The following LRTM3 variants were observed in gnomAD, a reference collection of about 807,000 sequenced individuals.
LRTM3 encodes leucine rich repeat transmembrane protein 3, also known as leucine-rich repeat transmembrane protein 3.
the LRTM3 span, chr13:102,739,531 T>C: frequency 1.9e-6 from 3 of 1,550,416 alleles, no homozygotes; most frequent in African/African-American, 1.4e-5. Context: ...TACACAAGTT[T>C]GTCAGTTTCA....
chr13:102,741,456 C>A, the LRTM3 span: 4 of 1,550,006 alleles, frequency 2.6e-6, no homozygotes, highest in Admixed American at 2.0e-5. Context: ...CCTTTAGAAC[C>A]TACAAATATA....
chr13:102,744,659 T>C, the LRTM3 span: 4 of 1,550,870 alleles, frequency 2.6e-6, no homozygotes, highest in Non-Finnish European at 3.5e-6. Context: ...GTCAGGATCT[T>C]TCATTTGATG....
the LRTM3 span, chr13:102,738,702 A>C: frequency 6.4e-7 from 1 of 1,550,400 alleles, no homozygotes; most frequent in East Asian, 2.4e-5. Context: ...GAAAAAGAGG[A>C]TCTCATTTTT....
the LRTM3 span, chr13:102,732,436 C>T: frequency 6.4e-7 from 1 of 1,551,186 alleles, no homozygotes; most frequent in Middle Eastern, 1.7e-4. Flanking sequence ...ATTCTCTTTT[C>T]AGATCTCTTA....
At chr13:102,736,420 G>C in the LRTM3 span, 4 of 1,551,118 alleles carry the variant, frequency 2.6e-6, no homozygotes, top group Non-Finnish European at 3.5e-6. Flanking sequence ...TTTGTACTCT[G>C]TCTTCTTTCT....
chr13:102,743,623 G>A, the LRTM3 span: 10 of 1,550,300 alleles, frequency 6.5e-6, no homozygotes, highest in African/African-American at 1.4e-4. Flanking sequence ...AAGGACCCAG[G>A]AAAGTTGCAG....
the LRTM3 span, chr13:102,739,018 A>G: frequency 6.4e-7 from 1 of 1,550,438 alleles, no homozygotes; most frequent in South Asian, 1.2e-5. Context: ...TTTCCATTGT[A>G]TCTGATAATT....
chr13:102,742,939 G>A, the LRTM3 span: 1,516 of 1,548,340 alleles, frequency 9.8e-4, 28 homozygotes, highest in South Asian at 0.017. Flanking sequence ...CCATCCTTGC[G>A]AGCCCAACTT....
At chr13:102,747,683 A>G in the LRTM3 span, 189,428 of 1,550,938 alleles carry the variant, frequency 0.12, 12,751 homozygotes, top group African/African-American at 0.23. Flanking sequence ...TGGCATTGTA[A>G]GTGGATTCTT....
At chr13:102,756,986 T>C in the LRTM3 span, among the ~76,000 whole-genome samples, 1 of 152,196 alleles carries the variant, frequency 6.6e-6, no homozygotes. Flanking sequence ...ATCCTTTTTT[T>C]CTCCATGTCT....
chr13:102,738,479 A>G, the LRTM3 span: 4 of 1,550,672 alleles, frequency 2.6e-6, no homozygotes, highest in Non-Finnish European at 3.5e-6. Context: ...AATATGTTCT[A>G]TCCTTTTCTC....
the LRTM3 span, chr13:102,738,813 C>T: frequency 1.3e-6 from 2 of 1,550,254 alleles, no homozygotes; most frequent in Non-Finnish European, 1.7e-6. Context: ...TCTTTATCTT[C>T]CTGAATCTTT....
the LRTM3 span, chr13:102,743,449 A>G: frequency 7.7e-6 from 12 of 1,550,320 alleles, no homozygotes; most frequent in African/African-American, 1.4e-5. Flanking sequence ...GTTTCTTCCT[A>G]TGTTTTGTAG....
chr13:102,758,357 A>G, the LRTM3 span: 1 of 1,303,138 alleles, frequency 7.7e-7, no homozygotes. Context: ...TGAATAGAAC[A>G]CAACCAACCT....
chr13:102,749,205 T>G, the LRTM3 span: 4 of 1,550,662 alleles, frequency 2.6e-6, no homozygotes, highest in Admixed American at 7.9e-5. Flanking sequence ...GTTGGTGTTT[T>G]TTTGGCTTTT....
At chr13:102,746,410 A>G in the LRTM3 span, 1 of 1,551,144 alleles carries the variant, frequency 6.4e-7, no homozygotes. Flanking sequence ...ATTGAGACGC[A>G]GGGAGACAGA....
chr13:102,736,753 G>A, the LRTM3 span: 12 of 1,550,538 alleles, frequency 7.7e-6, no homozygotes, highest in African/African-American at 2.7e-5. Context: ...CTATGTACTC[G>A]GGATGCATTA....
chr13:102,752,890 T>G, the LRTM3 span, among the ~76,000 whole-genome samples: 1 of 152,224 alleles, frequency 6.6e-6, no homozygotes, highest in Admixed American at 6.5e-5. Flanking sequence ...AACTTATTTA[T>G]AACTGATTAA....
At chr13:102,754,895 G>C in the LRTM3 span, among the ~76,000 whole-genome samples, 1 of 152,122 alleles carries the variant, frequency 6.6e-6, no homozygotes, top group African/African-American at 2.4e-5. Flanking sequence ...CTTTTAAACT[G>C]TTTTATCTAT....
Sources: allele counts gnomAD v4.1 joint callset (sites outside exome capture counted in the v4.1 genomes callset), GRCh38; gene constraint gnomAD v4.1.1; transcripts MANE v1.5; gene names NCBI Gene and HGNC (gene_info 2026-07-23, HGNC 2026-07-21).